Variants in OPCML observed in about 807,000 individuals in gnomAD.
The protein encoded by OPCML is opioid-binding protein/cell adhesion molecule.
OPCML carries 13 observed loss-of-function variants against 37.8 expected under a neutral mutation model. The observed-to-expected ratio is 0.34, with a 90% CI of 0.22 to 0.55. The LOEUF is 0.55. OPCML is among the 20% of genes least tolerant of loss of function. The pLI is 0.91. For missense variants in OPCML, 341 were observed against 435.6 expected (o/e 0.78, Z 1.93); for synonymous variants, 176 against 168.8 (o/e 1.04, Z -0.33).
intron 2 of OPCML, among the ~76,000 whole-genome samples, chr11:132,857,621 C>G (rs900814609): frequency 4.6e-5 from 7 of 151,988 alleles, no homozygotes; most frequent in Non-Finnish European, 7.4e-5. Context: ...AATGTAAAAC[C>G]AGATATAAGG....
At chr11:133,247,551 T>TCTTTCTTTCTTTCTTC in intron 1 of OPCML, among the ~76,000 whole-genome samples, 1 of 139,344 alleles carries the variant, frequency 7.2e-6, no homozygotes, top group East Asian at 2.1e-4. Context: ...TTTCTTTCTT[T>TCTTTCTTTCTTTCTTC]CTTTCTTTCT....
intron 1 of OPCML, among the ~76,000 whole-genome samples, chr11:133,404,010 G>T (rs1945468703): frequency 6.6e-6 from 1 of 152,226 alleles, no homozygotes; most frequent in African/African-American, 2.4e-5. Context: ...CTGGAGGCTG[G>T]AAGTTCGAAG....
Position 133,333,425 on chromosome 11 carries a change from A to C in OPCML, c.61+198839T>G, listed in dbSNP as rs149129751. On this transcript the variant is annotated intron_variant, in intron 1 of 7. Coordinates refer to ENST00000524381, the MANE Select transcript of OPCML (RefSeq NM_001012393.5). ...TCCCTATTCAGTAAATGGTGCTAAG[A>C]TAACTAGCTAGCCATATGCAGAAGA... 2.5e-3 allele frequency among the ~76,000 whole-genome samples: 375 copies of C among 152,314 alleles called. 1 individual carries two copies. The highest frequency in any genetic ancestry group is 4.3e-3 in the South Asian group (21 of 4,828).
intron 1 of OPCML, among the ~76,000 whole-genome samples, chr11:133,255,226 C>T (rs1185696387): frequency 3.3e-5 from 5 of 152,062 alleles, no homozygotes; most frequent in East Asian, 1.9e-4. Context: ...GTGTGAAGCA[C>T]GAAACTGGGG....
At chr11:133,053,895 G>A (rs1948175533) in intron 1 of OPCML, among the ~76,000 whole-genome samples, 1 of 152,140 alleles carries the variant, frequency 6.6e-6, no homozygotes, top group Non-Finnish European at 1.5e-5. Flanking sequence ...ATGTCCAACA[G>A]CGCCCTTAAA....
At chr11:133,250,787 T>C (rs1210774823) in intron 1 of OPCML, among the ~76,000 whole-genome samples, 1 of 152,108 alleles carries the variant, frequency 6.6e-6, no homozygotes, top group Non-Finnish European at 1.5e-5. Flanking sequence ...AACAAAAAAT[T>C]TTAAGAGCAA....
At chr11:132,823,071 T>C (rs1209238194) in intron 2 of OPCML, among the ~76,000 whole-genome samples, 1 of 152,224 alleles carries the variant, frequency 6.6e-6, no homozygotes, top group Non-Finnish European at 1.5e-5. Context: ...ATAGATTATA[T>C]TGCATGCCAA....
chr11:133,305,944 C>T (rs528311531), intron 1 of OPCML, among the ~76,000 whole-genome samples: 1 of 152,312 alleles, frequency 6.6e-6, no homozygotes, highest in Non-Finnish European at 1.5e-5. Flanking sequence ...ATTTAGAAGT[C>T]TTAAATAATA....
intron 1 of OPCML, among the ~76,000 whole-genome samples, chr11:133,391,057 C>T (rs2136810595): frequency 6.6e-6 from 1 of 152,322 alleles, no homozygotes; most frequent in Non-Finnish European, 1.5e-5. Flanking sequence ...AAGATTTACC[C>T]ACCTGCACGA....
intron 2 of OPCML, among the ~76,000 whole-genome samples, chr11:132,727,941 G>C (rs1315957445): frequency 6.6e-6 from 1 of 152,166 alleles, no homozygotes; most frequent in African/African-American, 2.4e-5. Context: ...CTCCTCTGCC[G>C]GGTAAGCTGG....
At chr11:133,108,787 G>C (rs183445457) in intron 1 of OPCML, among the ~76,000 whole-genome samples, 1 of 139,030 alleles carries the variant, frequency 7.2e-6, no homozygotes, top group South Asian at 2.4e-4. Flanking sequence ...CAAAGACAGC[G>C]CTTTGCAAAC....
chr11:132,630,526 A>ATGTG (rs140438717), intron 3 of OPCML, among the ~76,000 whole-genome samples: 125 of 148,974 alleles, frequency 8.4e-4, no homozygotes, highest in Non-Finnish European at 1.0e-3. Context: ...AGGACACAAT[A>ATGTG]TGTGTGTGTG....
intron 3 of OPCML, among the ~76,000 whole-genome samples, chr11:132,585,424 T>C (rs541163616): frequency 1.6e-4 from 25 of 152,322 alleles, no homozygotes; most frequent in South Asian, 4.1e-4. Context: ...CTGGTCTCTT[T>C]TGGGATTTAT....
chr11:132,543,571 T>C (rs951892076), intron 3 of OPCML, among the ~76,000 whole-genome samples: 2 of 151,992 alleles, frequency 1.3e-5, no homozygotes, highest in Non-Finnish European at 2.9e-5. Flanking sequence ...GAATAGACCA[T>C]TAATTTAGTA....
chr11:132,912,307 A>G (rs1944453312), intron 2 of OPCML, among the ~76,000 whole-genome samples: 2 of 152,212 alleles, frequency 1.3e-5, no homozygotes, highest in South Asian at 4.1e-4. Flanking sequence ...CAAATTCAAT[A>G]GGTGACCAAG....
At chr11:132,965,238 TTCTC>T (rs972832805) in intron 1 of OPCML, among the ~76,000 whole-genome samples, 4 of 151,560 alleles carry the variant, frequency 2.6e-5, no homozygotes, top group African/African-American at 9.7e-5. Context: ...CTTCTTCCAT[TTCTC>T]TCTCTCTCTC....
chr11:132,916,005 C>T (rs1944590229), intron 2 of OPCML, among the ~76,000 whole-genome samples: 1 of 152,116 alleles, frequency 6.6e-6, no homozygotes, highest in South Asian at 2.1e-4. Context: ...CTCTTAATTA[C>T]AAAACATTTC....
At chr11:132,602,906 C>T (rs2137790018) in intron 3 of OPCML, among the ~76,000 whole-genome samples, 1 of 152,356 alleles carries the variant, frequency 6.6e-6, no homozygotes, top group African/African-American at 2.4e-5. Flanking sequence ...AGGTCACGGA[C>T]AGTAGTGAGT....
At chr11:132,763,844 C>A (rs1299369387) in intron 2 of OPCML, among the ~76,000 whole-genome samples, 2 of 152,208 alleles carry the variant, frequency 1.3e-5, no homozygotes, top group Non-Finnish European at 2.9e-5. Context: ...CTGAGCCATG[C>A]CTTCCCCGCT....
Sources: allele counts gnomAD v4.1 joint callset (sites outside exome capture counted in the v4.1 genomes callset), GRCh38; gene constraint gnomAD v4.1.1; transcripts MANE v1.5; gene names NCBI Gene and HGNC (gene_info 2026-07-23, HGNC 2026-07-21).